The following TNKS variants were observed in gnomAD, a reference collection of about 807,000 sequenced individuals.
TNKS encodes the protein tankyrase, also known as poly [ADP-ribose] polymerase tankyrase-1.
In TNKS, 72 loss-of-function variants were observed where a neutral mutation model predicts 135.8. The ratio of observed to expected loss-of-function variants is 0.53; its 90% confidence interval spans 0.44 to 0.64. The LOEUF (loss-of-function observed/expected upper bound fraction) is 0.64, where lower values mean the gene tolerates loss of function less well. Among genes scored for constraint, TNKS ranks in the 30% least tolerant of loss-of-function variants. The pLI, the probability that TNKS is intolerant of heterozygous loss-of-function variation, is 0.00. For synonymous variants in TNKS, 849 were observed against 649.3 expected, an observed-to-expected ratio of 1.31 and a Z score of -4.68; for missense variants, 1,769 against 1,674.0, an observed-to-expected ratio of 1.06 and a Z score of -0.99.
chr8:9,585,309 G>A (rs935085461), intron 2 of TNKS, among the ~76,000 whole-genome samples: 1 of 151,892 alleles, frequency 6.6e-6, no homozygotes, highest in African/African-American at 2.4e-5. Context: ...GAACATCAAC[G>A]TCATTTTAAA....
intron 2 of TNKS, among the ~76,000 whole-genome samples, chr8:9,583,435 C>T (rs537669854): frequency 2.6e-5 from 4 of 152,242 alleles, no homozygotes; most frequent in South Asian, 2.1e-4. Flanking sequence ...CTCCCTACCC[C>T]TCAAATATAG....
chr8:9,769,365 C>G (rs904681450), intron 25 of TNKS, among the ~76,000 whole-genome samples: 1 of 152,212 alleles, frequency 6.6e-6, no homozygotes, highest in Admixed American at 6.5e-5. Context: ...TTCACCCAGA[C>G]TATTATGATT....
At chr8:9,562,326 A>C (rs1797371246) in intron 1 of TNKS, among the ~76,000 whole-genome samples, 2 of 152,040 alleles carry the variant, frequency 1.3e-5, no homozygotes. Context: ...TTGAATAGAA[A>C]TTTTAAATTT....
rs765392153 is a variant in TNKS, at chr8:9,776,644, T to C, written c.3898-6T>C. The C allele has an allele frequency of 1.9e-6, 3 of 1,613,760 alleles. No homozygotes were observed. Among genetic ancestry groups the C allele is most frequent in the Non-Finnish European group, 2.5e-6 (3 of 1,179,722 alleles). Reference sequence around the variant, plus strand: ...GGTGATTTGTTTTTCTTCTTGTCCTTCCCAGGCATACCCAGAGTATCTTAT... The same window carrying C: ...GGTGATTTGTTTTTCTTCTTGTCCTCCCCAGGCATACCCAGAGTATCTTAT... On this transcript the variant is annotated splice_region_variant and splice_polypyrimidine_tract_variant and intron_variant, in intron 26 of 26. Coordinates refer to ENST00000310430, the MANE Select transcript of TNKS (RefSeq NM_003747.3).
In TNKS at chr8:9,756,505, G is replaced by A. The variant is rs553418620; in HGVS notation, c.3153+3879G>A. On this transcript the variant is annotated intron_variant, in intron 20 of 26. Coordinates refer to ENST00000310430, the MANE Select transcript of TNKS (RefSeq NM_003747.3). ...GCCCAACAAGCTTGTGATTTCCTCA[G>A]TATAATAACTAAGTCAAGGTTTTAA... 4.0e-5 allele frequency among the ~76,000 whole-genome samples: 6 copies of A among 151,196 alleles called. 1 individual carries two copies. Among genetic ancestry groups the A allele is most frequent in the African/African-American group, 1.5e-4 (6 of 41,156 alleles).
In TNKS at chr8:9,560,115, A is replaced by G. The variant is rs140663855; in HGVS notation, c.673+3503A>G. ...CAAAATAGTTTTATAAATAGTACCA[A>G]TTTAGAGTGATACCTCCTTAGGATG... is the stretch of plus-strand genomic sequence containing the variant. On this transcript the variant is annotated intron_variant, in intron 1 of 26. Transcript: ENST00000310430. 2.0e-4 allele frequency among the ~76,000 whole-genome samples: 30 copies of G among 152,260 alleles called. No individual in the cohort carries two copies. The East Asian group carries it at 4.8e-3, about 24-fold the overall frequency.
In TNKS at chr8:9,708,441, C is replaced by T. The variant is rs764681000; in HGVS notation, c.1527C>T (p.Leu509=). The change falls in exon 9 of 27, where the codon CTC becomes CTT. Residue 509 remains leucine (L), a synonymous_variant. Coordinates refer to ENST00000310430, the MANE Select transcript of TNKS (RefSeq NM_003747.3). ...ACTTAGCTAAAGTTAAAAAAACACT[C>T]GCTCTGGAAATCATTAATTTCAAAC... ...EADLAKVKKT[L]ALEIINFKQP... 3.9e-5 allele frequency: 63 copies of T among 1,609,668 alleles called. No homozygotes were observed. The highest frequency in any genetic ancestry group is 5.3e-5 in the African/African-American group (4 of 74,780).
chr8:9,736,099 A>T (rs994005111), intron 17 of TNKS, among the ~76,000 whole-genome samples: 5 of 149,500 alleles, frequency 3.3e-5, no homozygotes, highest in African/African-American at 1.2e-4. Context: ...TATATAATGT[A>T]AAATAATATA....
At chr8:9,771,749 T>G (rs1585452279) in intron 26 of TNKS, among the ~76,000 whole-genome samples, 3 of 65,998 alleles carry the variant, frequency 4.5e-5, no homozygotes, top group East Asian at 4.6e-4. Flanking sequence ...AAGGAAGGAT[T>G]GGAGGAAGGA....
chr8:9,662,051 A>C (rs887435820), intron 3 of TNKS, among the ~76,000 whole-genome samples: 1 of 152,238 alleles, frequency 6.6e-6, no homozygotes, highest in African/African-American at 2.4e-5. Context: ...ACCATCTCAC[A>C]CACCTGTTAG....
At chr8:9,624,256 A>T (rs781430930) in intron 3 of TNKS, among the ~76,000 whole-genome samples, 4 of 152,234 alleles carry the variant, frequency 2.6e-5, no homozygotes, top group African/African-American at 9.6e-5. Flanking sequence ...TGCAATTTGG[A>T]TTAGAACTTC....
intron 12 of TNKS, among the ~76,000 whole-genome samples, chr8:9,724,339 A>C (rs1307329653): frequency 6.6e-6 from 1 of 152,100 alleles, no homozygotes; most frequent in Non-Finnish European, 1.5e-5. Context: ...TATGGTCCCA[A>C]CTACTCAGGA....
intron 1 of TNKS, among the ~76,000 whole-genome samples, chr8:9,578,266 G>GC (rs1798035489): frequency 6.6e-6 from 1 of 152,174 alleles, no homozygotes; most frequent in South Asian, 2.1e-4. Flanking sequence ...AGCACTTATG[G>GC]CCCAGTGGAA....
intron 2 of TNKS, among the ~76,000 whole-genome samples, chr8:9,598,886 C>A (rs1402029837): frequency 7.0e-6 from 1 of 143,172 alleles, no homozygotes; most frequent in African/African-American, 2.6e-5. Flanking sequence ...GTCCGTGAGG[C>A]CTTGAGAGAG....
chr8:9,562,650 A>T (rs1797381399), intron 1 of TNKS, among the ~76,000 whole-genome samples: 1 of 152,162 alleles, frequency 6.6e-6, no homozygotes, highest in Admixed American at 6.5e-5. Context: ...ATTAACTAAT[A>T]TTGATACTTC....
intron 1 of TNKS, among the ~76,000 whole-genome samples, chr8:9,559,133 C>A (rs1350849331): frequency 6.6e-6 from 1 of 152,086 alleles, no homozygotes; most frequent in Non-Finnish European, 1.5e-5. Context: ...GCCCTTAACC[C>A]TTATGGAGCT....
intron 5 of TNKS, among the ~76,000 whole-genome samples, chr8:9,703,088 A>T (rs1803888303): frequency 6.6e-6 from 1 of 152,198 alleles, no homozygotes; most frequent in South Asian, 2.1e-4. Context: ...GTTTTCCCTT[A>T]TCCTCGGGAG....
At chr8:9,605,266 T>G (rs1799171152) in intron 2 of TNKS, among the ~76,000 whole-genome samples, 1 of 152,112 alleles carries the variant, frequency 6.6e-6, no homozygotes, top group Non-Finnish European at 1.5e-5. Context: ...TGTTCTTGTG[T>G]GTCTGGCTTC....
chr8:9,749,231 G>A (rs529957357), intron 18 of TNKS, among the ~76,000 whole-genome samples: 5 of 152,278 alleles, frequency 3.3e-5, no homozygotes, highest in East Asian at 1.9e-4. Context: ...AGTCTTCCCT[G>A]TGAATACAAA....
Sources: allele counts gnomAD v4.1 joint callset (sites outside exome capture counted in the v4.1 genomes callset), GRCh38; gene constraint gnomAD v4.1.1; transcripts MANE v1.5; gene names NCBI Gene and HGNC (gene_info 2026-07-23, HGNC 2026-07-21).